YPEL2: variants seen among roughly 807,000 people sequenced by gnomAD.
YPEL2 encodes the protein yippee like 2.
In YPEL2, 2 loss-of-function variants were observed where a neutral mutation model predicts 19.1. The observed-to-expected ratio is 0.10, with a 90% CI of 0.04 to 0.33. YPEL2 has a LOEUF of 0.33. Among genes scored for constraint, YPEL2 ranks in the 10% least tolerant of loss-of-function variants. The probability of loss-of-function intolerance (pLI) is 1.00; values close to 1 mark genes in which losing one functional copy is unlikely to be tolerated. For missense variants in YPEL2, 66 were observed against 140.7 expected (o/e 0.47, Z 2.68); for synonymous variants, 52 against 50.0 (o/e 1.04, Z -0.17).
rs571901261 is a variant in YPEL2 at position 59,364,993 on chromosome 17, A to G, written c.117+11467A>G. Among the ~76,000 whole-genome samples, 7 of 152,342 alleles carry G rather than the reference A, an allele frequency of 4.6e-5. No individual in the cohort carries two copies. The South Asian group carries it at 1.4e-3, about 32-fold the overall frequency. ...ATAATAGTAATATTAGATACCTGAT[A>G]GGATTTTTGTGGAAATTAAATGAGG... On this transcript the variant is annotated intron_variant, in intron 2 of 4. Coordinates refer to ENST00000312655, the MANE Select transcript of YPEL2 (RefSeq NM_001005404.4).
chr17:59,397,439 A>G lies in YPEL2; in HGVS notation c.*249A>G. 3.0e-6 allele frequency: 1 copy of G among 332,138 alleles called. No homozygotes were observed. Among genetic ancestry groups the G allele is most frequent in the Admixed American group, 4.8e-5 (1 of 20,736 alleles). The allele number at this position is 332,138 out of a possible 1,614,324, so 20.6% of individuals were successfully genotyped here. On this transcript the variant is annotated 3_prime_UTR_variant, in exon 5 of 5. Coordinates refer to ENST00000312655, the MANE Select transcript of YPEL2 (RefSeq NM_001005404.4). The stretch of plus-strand genomic sequence containing the variant: ...CTCTGTTCTAGTTTTGGCTGAAAAC[A>G]AAACAACAAAAGGAACAGATCCTTG...
intron 2 of YPEL2, among the ~76,000 whole-genome samples, chr17:59,358,855 A>G (rs1275745600): frequency 6.8e-6 from 1 of 146,624 alleles, no homozygotes; most frequent in Non-Finnish European, 1.5e-5. Context: ...TGATCCGCCC[A>G]CCTCGGCCTC....
intron 1 of YPEL2, among the ~76,000 whole-genome samples, chr17:59,352,628 G>A (rs1368516067): frequency 6.6e-6 from 1 of 152,228 alleles, no homozygotes; most frequent in Non-Finnish European, 1.5e-5. Context: ...TTCTGAAAGA[G>A]CTGGCTTAGC....
At chr17:59,381,853 C>A (rs2047950976) in intron 2 of YPEL2, among the ~76,000 whole-genome samples, 1 of 152,196 alleles carries the variant, frequency 6.6e-6, no homozygotes, top group South Asian at 2.1e-4. Context: ...ATGTGTCTGA[C>A]AGTCTGTTTG....
intron 1 of YPEL2, among the ~76,000 whole-genome samples, chr17:59,342,300 C>A (rs1481695695): frequency 6.6e-6 from 1 of 152,176 alleles, no homozygotes; most frequent in Non-Finnish European, 1.5e-5. Flanking sequence ...ATGTATTCAG[C>A]AGATATTTGA....
At chr17:59,385,806 A>G (rs2047976912) in intron 2 of YPEL2, among the ~76,000 whole-genome samples, 1 of 152,206 alleles carries the variant, frequency 6.6e-6, no homozygotes, top group Admixed American at 6.5e-5. Flanking sequence ...TATGTCACTT[A>G]TAGTTCAAAA....
At chr17:59,376,344 C>T (rs552264222) in intron 2 of YPEL2, among the ~76,000 whole-genome samples, 8 of 152,228 alleles carry the variant, frequency 5.3e-5, no homozygotes, top group South Asian at 4.2e-4. Context: ...CTCAACCTCC[C>T]TAGTAGCTGG....
chr17:59,365,985 G>T, intron 2 of YPEL2: 1 of 152,456 alleles, frequency 6.6e-6, no homozygotes. Context: ...GGTCTTTGAA[G>T]GGGTAAATTA....
Position 59,373,159 on chromosome 17 carries a change from G to A in YPEL2, c.118-15168G>A, listed in dbSNP as rs563061458. 2.0e-5 allele frequency among the ~76,000 whole-genome samples: 3 copies of A among 152,198 alleles called. No individual in the cohort carries two copies. In the South Asian group the frequency reaches 6.2e-4, roughly 32 times the overall value. On this transcript the variant is annotated intron_variant, in intron 2 of 4. Transcript: ENST00000312655. ...TGGGATTACAGGCGTGAGCTGCTGT[G>A]CCCAGCCTATTTTTATTATTATATG...
intron 2 of YPEL2, among the ~76,000 whole-genome samples, chr17:59,381,884 C>G (rs1473708221): frequency 6.6e-6 from 1 of 152,174 alleles, no homozygotes; most frequent in African/African-American, 2.4e-5. Context: ...GTCTGAAATT[C>G]TGTTTGCTTT....
At chr17:59,339,230 T>G (rs1401598761) in intron 1 of YPEL2, among the ~76,000 whole-genome samples, 1 of 151,972 alleles carries the variant, frequency 6.6e-6, no homozygotes, top group African/African-American at 2.4e-5. Context: ...GAATTAACTT[T>G]CAGGACAGGT....
chr17:59,366,840 A>C (rs764491268), intron 2 of YPEL2, among the ~76,000 whole-genome samples: 1 of 152,148 alleles, frequency 6.6e-6, no homozygotes, highest in Non-Finnish European at 1.5e-5. Flanking sequence ...CGAAGCCCCC[A>C]TATTTCTTGA....
At chr17:59,352,093 T>G (rs751829462) in intron 1 of YPEL2, among the ~76,000 whole-genome samples, 29 of 152,200 alleles carry the variant, frequency 1.9e-4, no homozygotes, top group Non-Finnish European at 2.9e-4. Flanking sequence ...CCAGACGTAG[T>G]CCAGCCAGGA....
chr17:59,382,715 G>T (rs539304980), intron 2 of YPEL2, among the ~76,000 whole-genome samples: 1 of 152,232 alleles, frequency 6.6e-6, no homozygotes, highest in Non-Finnish European at 1.5e-5. Context: ...AAAAATCTTG[G>T]TTCATCACTT....
At chr17:59,341,452 G>T (rs1336252008) in intron 1 of YPEL2, among the ~76,000 whole-genome samples, 5 of 151,900 alleles carry the variant, frequency 3.3e-5, no homozygotes, top group Non-Finnish European at 5.9e-5. Flanking sequence ...CTGAGGTCAG[G>T]AGTTCCAGAC....
chr17:59,395,954 T>C (rs1313901941), intron 4 of YPEL2, among the ~76,000 whole-genome samples: 5 of 151,996 alleles, frequency 3.3e-5, no homozygotes, highest in Non-Finnish European at 5.9e-5. Flanking sequence ...GGTGGCAGGC[T>C]CCTGTAGTCC....
At position 59,353,688 on chromosome 17, in the gene YPEL2, T is replaced by G; in HGVS notation, c.117+162T>G. The G allele has an allele frequency of 1.4e-6, 1 of 693,598 alleles. No homozygotes were observed. Among genetic ancestry groups the G allele is most frequent in the Non-Finnish European group, 2.6e-6 (1 of 378,608 alleles). 43.0% of individuals were successfully genotyped at this position (693,598 alleles called of 1,614,324 possible). A position where few individuals can be genotyped will look rare whatever the true frequency, so the allele number is the denominator to read the frequency against. On this transcript the variant is annotated intron_variant, in intron 2 of 4. Coordinates refer to ENST00000312655, the MANE Select transcript of YPEL2 (RefSeq NM_001005404.4). The surrounding 1 kb of genome is among the most constrained non-coding windows in gnomAD (Gnocchi z 4.8). ...TCACTCAACTGAGAAAAACTCTGAG[T>G]TGGAGGGACAGAGTAGTCATTTAAT...
At chr17:59,348,497 G>T (rs996718989) in intron 1 of YPEL2, among the ~76,000 whole-genome samples, 7 of 152,224 alleles carry the variant, frequency 4.6e-5, no homozygotes, top group African/African-American at 1.7e-4. Context: ...GCGGCATGGG[G>T]TGGGGGCTGG....
At chr17:59,395,372 T>G (rs1051258759) in intron 4 of YPEL2, among the ~76,000 whole-genome samples, 3 of 152,182 alleles carry the variant, frequency 2.0e-5, no homozygotes, top group Non-Finnish European at 4.4e-5. Context: ...AGGGTACGCC[T>G]CAATTCCTTA....
Sources: gnomAD v4.1 joint callset for allele counts (sites outside exome capture counted in the v4.1 genomes callset) on GRCh38, gnomAD v4.1.1 for gene constraint, Gnocchi (gnomAD v3.1) non-coding constraint, MANE v1.5 for transcripts, NCBI Gene and HGNC (gene_info 2026-07-23, HGNC 2026-07-21) for gene names.